Variants in COL8A1 observed in about 807,000 individuals in gnomAD.
The protein encoded by COL8A1 is collagen alpha-1(VIII) chain.
Under a neutral mutation model 42.7 loss-of-function variants are expected in COL8A1, and 21 were observed. The ratio of observed to expected loss-of-function variants is 0.49; its 90% CI spans 0.35 to 0.71. COL8A1 has a LOEUF of 0.71. COL8A1 is among the 30% of genes least tolerant of loss of function. The probability of loss-of-function intolerance (pLI) is 0.01; values close to 1 mark genes in which losing one functional copy is unlikely to be tolerated. For synonymous variants in COL8A1, 367 were observed against 369.1 expected (o/e 0.99, Z 0.06); for missense variants, 788 against 962.4 (o/e 0.82, Z 2.40).
chr3:99,793,367 A>G (rs1210459991), intron 3 of COL8A1, among the ~76,000 whole-genome samples: 1 of 152,196 alleles, frequency 6.6e-6, no homozygotes, highest in African/African-American at 2.4e-5. Flanking sequence ...CATGAATCAT[A>G]GTATCACTTT....
At position 99,697,131 on chromosome 3, in the gene COL8A1, C is replaced by A. The variant is rs376497565; in HGVS notation, c.-128-47766C>A. 6.2e-3 allele frequency among the ~76,000 whole-genome samples: 935 copies of A among 150,144 alleles called. 8 individuals are homozygous for A. The highest frequency in any genetic ancestry group is 0.02 in the African/African-American group (817 of 41,036). On this transcript the variant is annotated intron_variant, in intron 1 of 3. Coordinates refer to ENST00000652472, the MANE Select transcript of COL8A1 (RefSeq NM_020351.4). ...CCTCCCGAGTAGCTGGGACTACAGG[C>A]GCCCGCCACTACGCCCGGCTAATTT... is the stretch of plus-strand genomic sequence containing the variant.
chr3:99,736,624 C>T (rs1231525009), intron 1 of COL8A1, among the ~76,000 whole-genome samples: 1 of 152,088 alleles, frequency 6.6e-6, no homozygotes, highest in Non-Finnish European at 1.5e-5. Context: ...TGTTCTTTTA[C>T]ATTTGCTGAG....
At chr3:99,761,409 T>G (rs1941362142) in intron 2 of COL8A1, among the ~76,000 whole-genome samples, 1 of 152,262 alleles carries the variant, frequency 6.6e-6, no homozygotes, top group East Asian at 1.9e-4. Context: ...ATGAAGAGAC[T>G]GAGATTGACT....
intron 1 of COL8A1, among the ~76,000 whole-genome samples, chr3:99,713,805 A>G (rs916885112): frequency 1.3e-5 from 2 of 152,100 alleles, no homozygotes; most frequent in African/African-American, 4.8e-5. Context: ...ATACAATTAA[A>G]ACAAATTTTA....
chr3:99,660,367 C>T (rs1938167817), intron 1 of COL8A1, among the ~76,000 whole-genome samples: 1 of 152,114 alleles, frequency 6.6e-6, no homozygotes, highest in African/African-American at 2.4e-5. Flanking sequence ...TTAAATATAG[C>T]CATAAAAGAA....
intron 1 of COL8A1, among the ~76,000 whole-genome samples, chr3:99,701,444 G>C (rs561699002): frequency 6.6e-6 from 1 of 152,164 alleles, no homozygotes; most frequent in South Asian, 2.1e-4. Flanking sequence ...AGAGAGGCAT[G>C]TCCTTTGGCA....
At chr3:99,673,031 C>G (rs995754259) in intron 1 of COL8A1, among the ~76,000 whole-genome samples, 1 of 151,974 alleles carries the variant, frequency 6.6e-6, no homozygotes, top group Admixed American at 6.6e-5. Flanking sequence ...CATTCCATAT[C>G]CCCATGCTAT....
At chr3:99,758,677 G>C (rs569381079) in intron 2 of COL8A1, among the ~76,000 whole-genome samples, 88 of 152,264 alleles carry the variant, frequency 5.8e-4, no homozygotes, top group African/African-American at 2.1e-3. Flanking sequence ...ATGTAGAGAA[G>C]ACTGGGAACC....
chr3:99,659,309 A>G (rs1410575849), intron 1 of COL8A1, among the ~76,000 whole-genome samples: 2 of 152,316 alleles, frequency 1.3e-5, no homozygotes, highest in South Asian at 2.1e-4. Context: ...CATTAGTCAC[A>G]ACTCCCACTT....
chr3:99,645,808 T>C (rs1937630858), intron 1 of COL8A1, among the ~76,000 whole-genome samples: 1 of 152,012 alleles, frequency 6.6e-6, no homozygotes, highest in South Asian at 2.1e-4. Context: ...GAAAGAAAAC[T>C]AAAACAATCT....
chr3:99,671,189 C>T (rs1357424257), intron 1 of COL8A1, among the ~76,000 whole-genome samples: 1 of 151,942 alleles, frequency 6.6e-6, no homozygotes, highest in African/African-American at 2.4e-5. Context: ...ATGAAAAATA[C>T]AAGTAACAAG....
intron 1 of COL8A1, among the ~76,000 whole-genome samples, chr3:99,695,740 T>C (rs921236315): frequency 1.3e-5 from 2 of 152,234 alleles, no homozygotes; most frequent in African/African-American, 4.8e-5. Context: ...GCACAAAATA[T>C]AGGCTCTGTA....
chr3:99,694,757 C>T (rs1939321317), intron 1 of COL8A1, among the ~76,000 whole-genome samples: 3 of 152,142 alleles, frequency 2.0e-5, no homozygotes, highest in Admixed American at 6.5e-5. Context: ...GATTGCAGGG[C>T]TTTATTGATA....
intron 2 of COL8A1, among the ~76,000 whole-genome samples, chr3:99,753,665 A>T (rs1404278972): frequency 6.6e-6 from 1 of 152,130 alleles, no homozygotes; most frequent in East Asian, 1.9e-4. Context: ...TTTACACAAA[A>T]CTATGTTCAA....
chr3:99,697,532 G>A (rs1298081792), intron 1 of COL8A1, among the ~76,000 whole-genome samples: 4 of 152,188 alleles, frequency 2.6e-5, no homozygotes, highest in Non-Finnish European at 5.9e-5. Flanking sequence ...TGAGATAAAA[G>A]CATGTTTTAG....
At chr3:99,725,343 C>A (rs190276533) in intron 1 of COL8A1, among the ~76,000 whole-genome samples, 19 of 152,046 alleles carry the variant, frequency 1.2e-4, no homozygotes, top group African/African-American at 4.3e-4. Flanking sequence ...TAAAATGTTA[C>A]ATTTCCTGAA....
chr3:99,726,345 C>T (rs945815053), intron 1 of COL8A1, among the ~76,000 whole-genome samples: 1 of 151,532 alleles, frequency 6.6e-6, no homozygotes, highest in Non-Finnish European at 1.5e-5. Context: ...TGAAAATTTT[C>T]TCCCATTTTG....
intron 1 of COL8A1, among the ~76,000 whole-genome samples, chr3:99,653,372 T>C (rs1200346178): frequency 2.0e-5 from 3 of 152,050 alleles, no homozygotes; most frequent in Non-Finnish European, 4.4e-5. Context: ...ACATTTTTGG[T>C]CTTTTTTTTG....
chr3:99,732,330 C>T (rs1940534115), intron 1 of COL8A1, among the ~76,000 whole-genome samples: 1 of 152,034 alleles, frequency 6.6e-6, no homozygotes, highest in Non-Finnish European at 1.5e-5. Context: ...TAAAGACATA[C>T]CCAAGACTTG....
Sources: gnomAD v4.1 joint callset for allele counts (sites outside exome capture counted in the v4.1 genomes callset) on GRCh38, gnomAD v4.1.1 for gene constraint, MANE v1.5 for transcripts, NCBI Gene and HGNC (gene_info 2026-07-23, HGNC 2026-07-21) for gene names.